Variants in ANO2 observed in about 807,000 individuals in gnomAD.
The protein encoded by ANO2 is anoctamin-2.
In ANO2, 101 loss-of-function variants were observed where a neutral mutation model predicts 124.2. The observed-to-expected ratio is 0.81, with a 90% CI of 0.69 to 0.96. ANO2 has a LOEUF of 0.96. Ranked by LOEUF, ANO2 falls within the 40% of genes least tolerant of loss-of-function variation. The pLI is 0.00. For synonymous variants in ANO2, 486 were observed against 482.5 expected, an observed-to-expected ratio of 1.01 and a Z score of -0.09; for missense variants, 1,293 against 1,274.5, an observed-to-expected ratio of 1.01 and a Z score of -0.22.
chr12:5,789,754 T>C (rs1485122816), intron 10 of ANO2, among the ~76,000 whole-genome samples: 2 of 152,240 alleles, frequency 1.3e-5, no homozygotes, highest in Non-Finnish European at 2.9e-5. Context: ...GTTTTCCATT[T>C]CTAAAACAGA....
In ANO2 at chr12:5,589,548, C is replaced by T. The variant is rs546761696; in HGVS notation, c.2233+9936G>A. ...TCATTTATTCAGTTACCCCCCTTTACAGGCTTACCCAATATGTTTTTAGTG... is the reference window on the plus strand; with the variant it reads ...TCATTTATTCAGTTACCCCCCTTTATAGGCTTACCCAATATGTTTTTAGTG... On this transcript the variant is annotated intron_variant, in intron 20 of 24. Coordinates refer to ENST00000682330, the MANE Select transcript of ANO2 (RefSeq NM_001364791.2). 3.6e-4 allele frequency among the ~76,000 whole-genome samples: 55 copies of T among 152,310 alleles called. No homozygotes were observed. The South Asian group carries it at 4.8e-3, about 13-fold the overall frequency.
intron 10 of ANO2, among the ~76,000 whole-genome samples, chr12:5,767,665 A>T (rs927261125): frequency 1.3e-5 from 2 of 152,220 alleles, no homozygotes; most frequent in African/African-American, 4.8e-5. Flanking sequence ...CTCAGTCTTT[A>T]AAAACAAACT....
intron 16 of ANO2, among the ~76,000 whole-genome samples, chr12:5,633,969 A>T (rs1373858779): frequency 6.6e-6 from 1 of 152,042 alleles, no homozygotes; most frequent in Non-Finnish European, 1.5e-5. Context: ...TCTCCAGTCA[A>T]ACGCCTCTCC....
upstream of ANO2, among the ~76,000 whole-genome samples, chr12:5,945,998 G>A (rs1359590035): frequency 6.6e-6 from 1 of 152,238 alleles, no homozygotes; most frequent in Non-Finnish European, 1.5e-5. Context: ...CCTGGGCAGG[G>A]GGATGGGAGG....
chr12:5,773,278 C>T (rs772463687), intron 10 of ANO2, among the ~76,000 whole-genome samples: 9 of 152,218 alleles, frequency 5.9e-5, no homozygotes, highest in Admixed American at 2.0e-4. Context: ...CCCATTTGAG[C>T]ATGTCACCTC....
At chr12:5,830,385 T>C (rs1489459041) in intron 6 of ANO2, 50 bp downstream of exon 6, 2 of 1,583,348 alleles carry the variant, frequency 1.3e-6, no homozygotes, top group African/African-American at 2.7e-5. Context: ...AACTAGGAAC[T>C]CAGCCCTTTC....
At chr12:5,751,057 G>C in intron 10 of ANO2, 87 bp from the exon 11 acceptor site, 1 of 1,317,832 alleles carries the variant, frequency 7.6e-7, no homozygotes, top group East Asian at 2.6e-5. Flanking sequence ...CTAAGGGTGG[G>C]TCAACATAGA....
At chr12:5,774,556 T>C (rs1952173620) in intron 10 of ANO2, among the ~76,000 whole-genome samples, 1 of 152,154 alleles carries the variant, frequency 6.6e-6, no homozygotes, top group Non-Finnish European at 1.5e-5. Flanking sequence ...GAGTTATATT[T>C]TATGGGAAAA....
chr12:5,915,809 C>T (rs2136296936), intron 3 of ANO2, among the ~76,000 whole-genome samples: 1 of 152,318 alleles, frequency 6.6e-6, no homozygotes, highest in Non-Finnish European at 1.5e-5. Context: ...AGTTTAACAC[C>T]AACATGGCAT....
chr12:5,733,902 C>T (rs549211172), intron 13 of ANO2, among the ~76,000 whole-genome samples: 4 of 152,280 alleles, frequency 2.6e-5, no homozygotes, highest in South Asian at 2.1e-4. Context: ...ATTTTTTCCT[C>T]GCTGTTTTGC....
chr12:5,625,872 GT>G (rs1379164849), intron 16 of ANO2, among the ~76,000 whole-genome samples: 2 of 152,168 alleles, frequency 1.3e-5, no homozygotes, highest in Admixed American at 6.5e-5. Context: ...CTGTCTAAGA[GT>G]CCCCAGATAA....
chr12:5,744,182 G>T lies in ANO2; in HGVS notation c.1326C>A (p.Phe442Leu), dbSNP rs781048169. 5 of 1,613,060 alleles carry T rather than the reference G, an allele frequency of 3.1e-6. No homozygotes were observed. The highest frequency in any genetic ancestry group is 1.7e-5 in the Admixed American group (1 of 59,998). The change falls in exon 12 of 25, where the codon TTC (phenylalanine) becomes TTA (leucine). Residue 442 changes from phenylalanine (F) to leucine (L), a missense_variant. Transcript: ENST00000682330. Reference sequence around the variant, plus strand: ...CCCACAGAGCCATGAAGATAGAGAAGAAGACGGTGGCAGGGTTGTCAAACA... The same window carrying T: ...CCCACAGAGCCATGAAGATAGAGAATAAGACGGTGGCAGGGTTGTCAAACA... ...SHLFDNPATV[F>L]FSIFMALWAT...
At chr12:5,704,697 A>ATGTGTATGTGTG (rs1949538627) in intron 14 of ANO2, among the ~76,000 whole-genome samples, 1 of 148,664 alleles carries the variant, frequency 6.7e-6, no homozygotes. Context: ...TGGTGTGTGT[A>ATGTGTATGTGTG]TGTGTGTGTG....
At chr12:5,855,710 A>G (rs1955077008) in intron 3 of ANO2, among the ~76,000 whole-genome samples, 1 of 152,238 alleles carries the variant, frequency 6.6e-6, no homozygotes, top group Non-Finnish European at 1.5e-5. Context: ...GGCCAGTACT[A>G]CCACAATCTC....
At chr12:5,670,297 A>G (rs1200301492) in intron 14 of ANO2, among the ~76,000 whole-genome samples, 1 of 152,158 alleles carries the variant, frequency 6.6e-6, no homozygotes, top group Non-Finnish European at 1.5e-5. Context: ...AACATTTTCT[A>G]AGCATCTGCT....
At chr12:5,850,168 C>T (rs1591693582) in intron 4 of ANO2, among the ~76,000 whole-genome samples, 1 of 152,034 alleles carries the variant, frequency 6.6e-6, no homozygotes, top group Non-Finnish European at 1.5e-5. Flanking sequence ...GTAAGCCCAA[C>T]ACTTTGGGAG....
chr12:5,581,306 A>G (rs927699508), intron 20 of ANO2, among the ~76,000 whole-genome samples: 6 of 152,192 alleles, frequency 3.9e-5, no homozygotes, highest in Non-Finnish European at 8.8e-5. Flanking sequence ...GAAATGTGCA[A>G]ACTCCCCAGA....
At chr12:5,758,051 A>C (rs1038396942) in intron 10 of ANO2, among the ~76,000 whole-genome samples, 7 of 152,270 alleles carry the variant, frequency 4.6e-5, no homozygotes, top group Non-Finnish European at 8.8e-5. Context: ...AAAACCATGC[A>C]CTTCCTGGAA....
At chr12:5,844,904 C>T (rs1954633571) in intron 4 of ANO2, among the ~76,000 whole-genome samples, 1 of 149,272 alleles carries the variant, frequency 6.7e-6, no homozygotes, top group African/African-American at 2.5e-5. Flanking sequence ...CTTTGACTGT[C>T]CTGGTAAATT....
Sources: gnomAD v4.1 joint callset for allele counts (sites outside exome capture counted in the v4.1 genomes callset) on GRCh38, gnomAD v4.1.1 for gene constraint, MANE v1.5 for transcripts, NCBI Gene and HGNC (gene_info 2026-07-23, HGNC 2026-07-21) for gene names.